Variants in COMMD9 observed in about 807,000 individuals in gnomAD.
The protein encoded by COMMD9 is COMM domain-containing protein 9.
In COMMD9, 22 loss-of-function variants were observed where a neutral mutation model predicts 23.4. The ratio of observed to expected loss-of-function variants is 0.94; its 90% CI spans 0.67 to 1.34. The LOEUF (loss-of-function observed/expected upper bound fraction) is 1.34. Ranked by LOEUF, COMMD9 falls within the 40% of genes most tolerant of loss-of-function variation. COMMD9 has a pLI of 0.00. For missense variants in COMMD9, 231 were observed against 240.2 expected (o/e 0.96, Z 0.25); for synonymous variants, 99 against 97.4 (o/e 1.02, Z -0.10).
intron 1 of COMMD9, among the ~76,000 whole-genome samples, chr11:36,281,907 C>T (rs79151768): frequency 0.074 from 11,261 of 152,174 alleles, 466 homozygotes; most frequent in South Asian, 0.1. Context: ...ATTATGAACT[C>T]GCTTGAAACA....
In COMMD9 at chr11:36,274,522, C is replaced by T; in HGVS notation, c.*110G>A. The T allele has an allele frequency of 6.4e-6, 9 of 1,406,690 alleles. No individual in the cohort carries two copies. Among genetic ancestry groups the T allele is most frequent in the Non-Finnish European group, 8.9e-6 (9 of 1,009,290 alleles). The allele number at this position is 1,406,690 out of a possible 1,614,324, so 87.1% of individuals were successfully genotyped here. Reference sequence around the variant, plus strand: ...GATGGCAGTAGCCCCCTGCTGTCCCCACCATCCTGCCTGTTGTCAGCTGCA... The same window carrying T: ...GATGGCAGTAGCCCCCTGCTGTCCCTACCATCCTGCCTGTTGTCAGCTGCA... On this transcript the variant is annotated 3_prime_UTR_variant, in exon 6 of 6. Coordinates refer to ENST00000263401, the MANE Select transcript of COMMD9 (RefSeq NM_014186.4).
chr11:36,286,586 G>T (rs566714388), intron 1 of COMMD9, among the ~76,000 whole-genome samples: 1 of 151,780 alleles, frequency 6.6e-6, no homozygotes, highest in African/African-American at 2.4e-5. Context: ...GCCACAGAGC[G>T]AGACTCTCTC....
chr11:36,286,431 A>G (rs1298182687), intron 1 of COMMD9, among the ~76,000 whole-genome samples: 1 of 95,168 alleles, frequency 1.1e-5, no homozygotes, highest in Non-Finnish European at 2.0e-5. Context: ...AGAAAGAAAG[A>G]AAGAAAAGAA....
chr11:36,279,006 T>C lies in COMMD9; in HGVS notation c.178-390A>G, dbSNP rs1331182606. On this transcript the variant is annotated intron_variant, in intron 2 of 5. Transcript: ENST00000263401. ...AGCTGTGTTACTAAGCAACACTGCA[T>C]TGGTCCAAGGCTCTGGACTGAGAGG... is the stretch of plus-strand genomic sequence containing the variant. 2.0e-5 allele frequency among the ~76,000 whole-genome samples: 3 copies of C among 152,334 alleles called. No individual in the cohort carries two copies. The South Asian group carries it at 6.2e-4, about 32-fold the overall frequency.
At chr11:36,276,041 A>T in intron 5 of COMMD9, 96 bp downstream of exon 5, 3 of 844,406 alleles carry the variant, frequency 3.6e-6, no homozygotes, top group Non-Finnish European at 5.9e-6. Context: ...ATTTAAAAAA[A>T]TATATGGGTT....
rs1244077774 is a variant in COMMD9, at chr11:36,280,835, G to A, written c.54C>T (p.Ala18=). 8.3e-6 allele frequency: 13 copies of A among 1,567,422 alleles called. No individual in the cohort carries two copies. In the East Asian group the frequency reaches 1.6e-4, roughly 19 times the overall value. Residue 18 remains alanine (A), a splice_region_variant and synonymous_variant, in exon 2 of 6, where the codon GCC becomes GCT. Coordinates refer to ENST00000263401, the MANE Select transcript of COMMD9 (RefSeq NM_014186.4). ...GCTGTCTGACAACATCTTTCGAGGAGGCCTATGAATTAAATCACAGATAGG... is the reference window on the plus strand; with the variant it reads ...GCTGTCTGACAACATCTTTCGAGGAAGCCTATGAATTAAATCACAGATAGG... The part of the protein sequence containing the change: ...HFAALQSLLK[A]SSKDVVRQLC...
rs1855963856 is a variant in COMMD9, at chr11:36,276,011, G to A, written c.456+126C>T. ...CACATACACGTTGTAACTAAACAAA[G>A]GAGGATAAAGGGGATGGTAATTTAA... is the stretch of plus-strand genomic sequence containing the variant. On this transcript the variant is annotated intron_variant, in intron 5 of 5. Transcript: ENST00000263401. 7 of 655,368 alleles carry A rather than the reference G, an allele frequency of 1.1e-5. No individual in the cohort carries two copies. The Middle Eastern group carries it at 1.3e-3, about 119-fold the overall frequency. The allele number at this position is 655,368 out of a possible 1,614,324, so 40.6% of individuals were successfully genotyped here.
chr11:36,282,425 A>T (rs983313118), intron 1 of COMMD9, among the ~76,000 whole-genome samples: 2 of 151,998 alleles, frequency 1.3e-5, no homozygotes, highest in Non-Finnish European at 2.9e-5. Flanking sequence ...TTACCTATTT[A>T]AAAAAAACAA....
At chr11:36,276,003 T>C in intron 5 of COMMD9, 134 bp downstream of exon 5, 1 of 640,818 alleles carries the variant, frequency 1.6e-6, no homozygotes, top group Non-Finnish European at 2.8e-6. Context: ...ACGTTGTAAC[T>C]AAACAAAGGA....
At position 36,272,698 on chromosome 11, in the gene COMMD9, C is replaced by T. The variant is rs1855898163; in HGVS notation, c.*1934G>A. On this transcript the variant is annotated 3_prime_UTR_variant, in exon 6 of 6. Transcript: ENST00000263401. The stretch of plus-strand genomic sequence containing the variant: ...GAGCTTGGAATTTTTTTTCCCTTGA[C>T]CTTCCTCGTATCTCACTGGGTAGGC... The T allele has an allele frequency of 6.6e-6, 1 of 152,156 alleles. No homozygotes were observed. Among genetic ancestry groups the T allele is most frequent in the East Asian group, 1.9e-4 (1 of 5,198 alleles). The allele number at this position is 152,156 out of a possible 1,614,324, so 9.4% of individuals were successfully genotyped here.
chr11:36,278,320 A>G (rs938358577), intron 3 of COMMD9, 157 bp downstream of exon 3: 6 of 656,414 alleles, frequency 9.1e-6, no homozygotes, highest in South Asian at 3.8e-5. Flanking sequence ...GACTACCACT[A>G]ACATCTGGCT....
At chr11:36,286,631 C>A (rs376593669) in intron 1 of COMMD9, among the ~76,000 whole-genome samples, 155 of 151,654 alleles carry the variant, frequency 1.0e-3, no homozygotes, top group African/African-American at 3.3e-3. Context: ...CCAAAAAAAA[C>A]CAAAACCATT....
chr11:36,276,060 C>A, intron 5 of COMMD9, 77 bp downstream of exon 5: 3 of 1,087,884 alleles, frequency 2.8e-6, no homozygotes, highest in Non-Finnish European at 2.8e-6. Context: ...TTAGAGATCC[C>A]AAACCTTGGA....
At chr11:36,280,282 T>G (rs1029355532) in intron 2 of COMMD9, among the ~76,000 whole-genome samples, 10 of 152,196 alleles carry the variant, frequency 6.6e-5, no homozygotes, top group Admixed American at 5.2e-4. Context: ...GAAGGGGACC[T>G]TCTGTGGGAC....
At chr11:36,276,910 T>G in intron 4 of COMMD9, 179 bp downstream of exon 4, 1 of 424,772 alleles carries the variant, frequency 2.4e-6, no homozygotes, top group East Asian at 3.6e-5. Flanking sequence ...ATAATAATGT[T>G]TATAATCAGA....
chr11:36,276,329 C>CATGCA (rs1484808518), intron 4 of COMMD9, 89 bp from the exon 5 acceptor site: 3 of 826,184 alleles, frequency 3.6e-6, no homozygotes, highest in Non-Finnish European at 6.2e-6. Flanking sequence ...GGACTGCACA[C>CATGCA]ATGCAATGCA....
In COMMD9 at chr11:36,288,083, A is replaced by G. The variant is rs145105327; in HGVS notation, c.51+1279T>C. ...CACTGGGTTGGGAGCTGAGAGCCCT[A>G]GATTGCCAGTCCCAGCTCTGTTACT... is the stretch of plus-strand genomic sequence containing the variant. On this transcript the variant is annotated intron_variant, in intron 1 of 5. Coordinates refer to ENST00000263401, the MANE Select transcript of COMMD9 (RefSeq NM_014186.4). Among the ~76,000 whole-genome samples, 6 of 152,266 alleles carry G rather than the reference A, an allele frequency of 3.9e-5. 1 individual carries two copies. The East Asian group carries it at 7.7e-4, about 20-fold the overall frequency.
At chr11:36,277,008 A>C in intron 4 of COMMD9, 81 bp downstream of exon 4, 1 of 1,317,196 alleles carries the variant, frequency 7.6e-7, no homozygotes, top group Non-Finnish European at 1.0e-6. Flanking sequence ...GTTTCTGCCA[A>C]AATCTCTGAT....
At position 36,274,418 on chromosome 11, in the gene COMMD9, C is replaced by T. The variant is rs1438575131; in HGVS notation, c.*214G>A. 1.4e-6 allele frequency: 1 copy of T among 719,106 alleles called. No homozygotes were observed. Among genetic ancestry groups the T allele is most frequent in the Non-Finnish European group, 2.5e-6 (1 of 401,132 alleles). 44.5% of individuals were successfully genotyped at this position (719,106 alleles called of 1,614,324 possible). A position where few individuals can be genotyped will look rare whatever the true frequency, so the allele number is the denominator to read the frequency against. On this transcript the variant is annotated 3_prime_UTR_variant, in exon 6 of 6. Coordinates refer to ENST00000263401, the MANE Select transcript of COMMD9 (RefSeq NM_014186.4). ...TTCAAAGATGGGGGCTTCTGCTCTC[C>T]AGCTTCAGAAAGAGAAAGAAGATGA...
Sources: allele counts gnomAD v4.1 joint callset (sites outside exome capture counted in the v4.1 genomes callset), GRCh38; gene constraint gnomAD v4.1.1; transcripts MANE v1.5; gene names NCBI Gene and HGNC (gene_info 2026-07-23, HGNC 2026-07-21).